The following KCNMA1 variants were observed in gnomAD, a reference collection of about 807,000 sequenced individuals.
KCNMA1 encodes Calcium-activated potassium channel subunit alpha-1.
A neutral mutation model predicts 140.0 loss-of-function variants in KCNMA1; 29 were observed. That is an observed-to-expected ratio of 0.21 (90% CI 0.15 to 0.28). The LOEUF (loss-of-function observed/expected upper bound fraction) is 0.28. Among genes scored for constraint, KCNMA1 ranks in the 10% least tolerant of loss-of-function variants. The pLI, the probability that KCNMA1 is intolerant of heterozygous loss-of-function variation, is 1.00. For synonymous variants in KCNMA1, 612 were observed against 611.9 expected, an observed-to-expected ratio of 1.00 and a Z score of 0.00; for missense variants, 880 against 1,602.2, an observed-to-expected ratio of 0.55 and a Z score of 7.70.
chr10:77,206,051 G>C (rs894158120), intron 3 of KCNMA1, among the ~76,000 whole-genome samples: 1 of 152,144 alleles, frequency 6.6e-6, no homozygotes, highest in Admixed American at 6.6e-5. Flanking sequence ...AGTATGGTGT[G>C]AACAGAACAA....
At position 76,958,107 on chromosome 10, in the gene KCNMA1, C is replaced by T. The variant is rs148830128; in HGVS notation, c.2361-4183G>A. Among the ~76,000 whole-genome samples, 74 of 152,282 alleles carry T rather than the reference C, an allele frequency of 4.9e-4. No individual in the cohort carries two copies. The East Asian group carries it at 0.013, about 26-fold the overall frequency. ...CCATTGAGCACACCAATCAACACTG[C>T]TGTGATCCAGGGAGACCCAGAGGAA... On this transcript the variant is annotated intron_variant, in intron 20 of 27. Transcript: ENST00000286628.
At chr10:77,444,815 G>A (rs182297) in intron 1 of KCNMA1, among the ~76,000 whole-genome samples, 1 of 152,128 alleles carries the variant, frequency 6.6e-6, no homozygotes, top group African/African-American at 2.4e-5. Context: ...CGAGCAAGAG[G>A]AAAAACACAC....
intron 1 of KCNMA1, among the ~76,000 whole-genome samples, chr10:77,467,711 G>C (rs569386924): frequency 2.6e-5 from 4 of 152,346 alleles, no homozygotes; most frequent in South Asian, 4.1e-4. Flanking sequence ...TTTCTGAAAG[G>C]CTGCTCCAAA....
At chr10:76,919,223 G>A (rs2054286819) in intron 23 of KCNMA1, among the ~76,000 whole-genome samples, 1 of 152,122 alleles carries the variant, frequency 6.6e-6, no homozygotes, top group Non-Finnish European at 1.5e-5. Context: ...CTGCTTGGGT[G>A]AAGGATGCAC....
intron 2 of KCNMA1, among the ~76,000 whole-genome samples, chr10:77,370,829 A>C (rs2094649301): frequency 6.6e-6 from 1 of 152,158 alleles, no homozygotes; most frequent in South Asian, 2.1e-4. Context: ...TGTGACCTTG[A>C]CCTTGAAAAA....
At chr10:77,497,785 G>A (rs939533348) in intron 1 of KCNMA1, among the ~76,000 whole-genome samples, 1 of 152,174 alleles carries the variant, frequency 6.6e-6, no homozygotes, top group Admixed American at 6.5e-5. Flanking sequence ...GGGGAATAAG[G>A]GAGAAAGTGG....
chr10:76,947,473 G>C (rs541822618), intron 22 of KCNMA1, among the ~76,000 whole-genome samples: 9 of 151,974 alleles, frequency 5.9e-5, no homozygotes, highest in Non-Finnish European at 1.3e-4. Flanking sequence ...TACACACACA[G>C]ACTCATGTAT....
At chr10:77,230,514 T>C (rs540455265) in intron 3 of KCNMA1, among the ~76,000 whole-genome samples, 1 of 152,354 alleles carries the variant, frequency 6.6e-6, no homozygotes, top group African/African-American at 2.4e-5. Flanking sequence ...AAGTTCTCTA[T>C]TGCACTGCAT....
chr10:77,599,120 G>T (rs2081839031), intron 1 of KCNMA1, among the ~76,000 whole-genome samples: 1 of 152,222 alleles, frequency 6.6e-6, no homozygotes, highest in South Asian at 2.1e-4. Flanking sequence ...GCCCCAGTGG[G>T]CTGGATGTAT....
chr10:76,999,421 T>A (rs1178353449), intron 19 of KCNMA1, among the ~76,000 whole-genome samples: 1 of 152,172 alleles, frequency 6.6e-6, no homozygotes, highest in Non-Finnish European at 1.5e-5. Flanking sequence ...GAACAGAAGT[T>A]GTGCATTAGG....
chr10:77,228,210 T>G (rs1371778119), intron 3 of KCNMA1, among the ~76,000 whole-genome samples: 1 of 151,908 alleles, frequency 6.6e-6, no homozygotes, highest in Non-Finnish European at 1.5e-5. Context: ...GGTGATCCAC[T>G]TGCCTCGGCC....
chr10:77,224,701 G>C (rs1447682010), intron 3 of KCNMA1, among the ~76,000 whole-genome samples: 1 of 152,108 alleles, frequency 6.6e-6, no homozygotes, highest in Non-Finnish European at 1.5e-5. Context: ...CCCAAAGCCA[G>C]AGTTTCTGGG....
intron 19 of KCNMA1, among the ~76,000 whole-genome samples, chr10:76,986,188 CAA>C (rs1021602663): frequency 1.3e-5 from 2 of 152,112 alleles, no homozygotes; most frequent in African/African-American, 4.8e-5. Flanking sequence ...ATTCTAATTC[CAA>C]AAAGTTATTG....
At position 77,507,423 on chromosome 10, in the gene KCNMA1, C is replaced by G. The variant is rs866626735; in HGVS notation, c.379-103400G>C. On this transcript the variant is annotated intron_variant, in intron 1 of 27. Coordinates refer to ENST00000286628, the MANE Select transcript of KCNMA1 (RefSeq NM_001161352.2). ...GTCTGACCAGCTCAGCAGACTACCC[C>G]CACTGCCCCATCCCAGAGCTGAACT... Among the ~76,000 whole-genome samples, 11 of 152,320 alleles carry G rather than the reference C, an allele frequency of 7.2e-5. No homozygotes were observed. The South Asian group carries it at 8.3e-4, about 11-fold the overall frequency.
intron 5 of KCNMA1, among the ~76,000 whole-genome samples, chr10:77,138,986 G>A (rs1343308850): frequency 6.6e-6 from 1 of 152,136 alleles, no homozygotes; most frequent in Non-Finnish European, 1.5e-5. Flanking sequence ...GCTTGTTCAG[G>A]TGCCTGCCTC....
rs145504781 is a variant in KCNMA1, at chr10:77,141,455, G to A, written c.809-20407C>T. ...AGATTAGTGCCATTATAAGAAGAGA[G>A]ACCAGAGAGTTTGCTCTTTCTCCCT... On this transcript the variant is annotated intron_variant, in intron 5 of 27. Coordinates refer to ENST00000286628, the MANE Select transcript of KCNMA1 (RefSeq NM_001161352.2). Among the ~76,000 whole-genome samples the A allele has an allele frequency of 2.8e-3, 427 of 152,304 alleles. 1 individual carries two copies. The highest frequency in any genetic ancestry group is 6.0e-3 in the South Asian group (29 of 4,824).
At chr10:77,486,837 A>C (rs1025400100) in intron 1 of KCNMA1, among the ~76,000 whole-genome samples, 2 of 152,212 alleles carry the variant, frequency 1.3e-5, no homozygotes, top group Non-Finnish European at 2.9e-5. Flanking sequence ...CAAGCAGGCA[A>C]GTCATGGAGG....
chr10:77,472,342 A>G (rs550244672), intron 1 of KCNMA1, among the ~76,000 whole-genome samples: 31 of 149,440 alleles, frequency 2.1e-4, no homozygotes, highest in African/African-American at 7.7e-4. Context: ...CACATCACAT[A>G]TACACATACA....
intron 5 of KCNMA1, chr10:77,140,189 T>C (rs1044288899): frequency 6.6e-6 from 1 of 152,474 alleles, no homozygotes; most frequent in Admixed American, 6.6e-5. Flanking sequence ...CACTAGACAG[T>C]TCCCCAAATC....
Sources: allele counts gnomAD v4.1 joint callset (sites outside exome capture counted in the v4.1 genomes callset), GRCh38; gene constraint gnomAD v4.1.1; transcripts MANE v1.5; gene names NCBI Gene and HGNC (gene_info 2026-07-23, HGNC 2026-07-21).